The following CCDC66 variants were observed in gnomAD, a reference collection of about 807,000 sequenced individuals.
CCDC66 encodes coiled-coil domain containing 66.
A neutral mutation model predicts 128.3 loss-of-function variants in CCDC66; 133 were observed. The observed-to-expected ratio is 1.04, with a 90% CI of 0.90 to 1.20. The LOEUF (loss-of-function observed/expected upper bound fraction) is 1.20, where lower values mean the gene tolerates loss of function less well. Ranked by LOEUF, CCDC66 falls within the 50% of genes most tolerant of loss-of-function variation. The probability of loss-of-function intolerance (pLI) is 0.00; values close to 1 mark genes in which losing one functional copy is unlikely to be tolerated. For missense variants in CCDC66, 1,126 were observed against 1,075.5 expected, an observed-to-expected ratio of 1.05 and a Z score of -0.66; for synonymous variants, 387 against 357.0, an observed-to-expected ratio of 1.08 and a Z score of -0.95.
chr3:56,585,709 G>A lies in CCDC66; in HGVS notation c.937-7261G>A, dbSNP rs566325889. Among the ~76,000 whole-genome samples, 104 of 151,686 alleles carry A rather than the reference G, an allele frequency of 6.9e-4. 3 individuals are homozygous for A. The South Asian group carries it at 0.022, about 32-fold the overall frequency. On this transcript the variant is annotated intron_variant, in intron 7 of 17. Coordinates refer to ENST00000394672, the MANE Select transcript of CCDC66 (RefSeq NM_001141947.3). ...TATATAGTATAGCAATATTTATAAG[G>A]GTTTAATAAATAGAGCTAAAATATT...
At chr3:56,561,269 T>C (rs555547155) in intron 3 of CCDC66, 3 of 456,614 alleles carry the variant, frequency 6.6e-6, no homozygotes, top group Admixed American at 2.3e-5. Context: ...TGATTTGTTA[T>C]AGAAGCCACA....
chr3:56,614,526 G>A (rs1173403055), intron 11 of CCDC66, among the ~76,000 whole-genome samples: 1 of 152,154 alleles, frequency 6.6e-6, no homozygotes, highest in Admixed American at 6.5e-5. Context: ...ATACCTAGTT[G>A]GCTAGGAGAA....
intron 10 of CCDC66, among the ~76,000 whole-genome samples, chr3:56,602,816 G>T (rs868162772): frequency 6.8e-6 from 1 of 147,246 alleles, no homozygotes; most frequent in Admixed American, 7.1e-5. Context: ...TGGGAACAGC[G>T]GTGATATCCC....
intron 10 of CCDC66, among the ~76,000 whole-genome samples, chr3:56,598,594 T>C (rs1027195530): frequency 4.6e-5 from 7 of 151,972 alleles, no homozygotes; most frequent in African/African-American, 1.5e-4. Flanking sequence ...ATACCTTCTG[T>C]GCCTAGTTTG....
At position 56,615,537 on chromosome 3, in the gene CCDC66, C is replaced by A. The variant is rs2075382361; in HGVS notation, c.1711+265C>A. Reference sequence around the variant, plus strand: ...TACAGGTGTGAGTCACTGCACCCAGCCTAAATGATTGCCTATTTTTAATAC... The same window carrying A: ...TACAGGTGTGAGTCACTGCACCCAGACTAAATGATTGCCTATTTTTAATAC... On this transcript the variant is annotated intron_variant, in intron 12 of 17. Transcript: ENST00000394672. The A allele has an allele frequency of 1.3e-5, 5 of 370,454 alleles. No individual in the cohort carries two copies. The South Asian group carries it at 2.4e-4, about 18-fold the overall frequency. The allele number at this position is 370,454 out of a possible 1,614,324, so 22.9% of individuals were successfully genotyped here.
At chr3:56,567,703 T>C (rs920461208) in intron 6 of CCDC66, among the ~76,000 whole-genome samples, 20 of 152,132 alleles carry the variant, frequency 1.3e-4, no homozygotes, top group African/African-American at 4.1e-4. Context: ...TGTTTTGTTT[T>C]GTTTTTTGAG....
chr3:56,594,468 G>A (rs903121917), intron 10 of CCDC66, among the ~76,000 whole-genome samples: 1 of 152,090 alleles, frequency 6.6e-6, no homozygotes, highest in Admixed American at 6.5e-5. Flanking sequence ...GGCAGATCAC[G>A]AGGTCAGGAG....
In CCDC66 at chr3:56,566,601, T is replaced by C; in HGVS notation, c.552T>C (p.Tyr184=). The part of the protein sequence containing the change: ...TENGKEAKSQ[Y]SLYLNSISNQ... ...ATGTATTTTACCTCCTAGGTCAATA[T>C]AGTCTATATTTAAACAGTATTTCTA... Residue 184 remains tyrosine, a synonymous_variant, in exon 5 of 18, where the codon TAT becomes TAC. Transcript: ENST00000394672. 6.4e-7 allele frequency: 1 copy of C among 1,561,506 alleles called. No individual in the cohort carries two copies. The highest frequency in any genetic ancestry group is 8.8e-7 in the Non-Finnish European group (1 of 1,135,128).
intron 10 of CCDC66, 146 bp from the exon 11 acceptor site, chr3:56,613,443 C>T: frequency 1.3e-6 from 1 of 799,060 alleles, no homozygotes; most frequent in Non-Finnish European, 1.9e-6. Context: ...TCTGTTAGAT[C>T]TACGTGAAGT....
chr3:56,565,090 G>A (rs1455540647), intron 4 of CCDC66: 1 of 350,162 alleles, frequency 2.9e-6, no homozygotes, highest in Non-Finnish European at 5.8e-6. Flanking sequence ...CATTTTTTGA[G>A]CCATCCTGTG....
chr3:56,602,517 A>T (rs541141559), intron 10 of CCDC66, among the ~76,000 whole-genome samples: 4 of 151,984 alleles, frequency 2.6e-5, no homozygotes, highest in African/African-American at 9.7e-5. Context: ...GATTCCCTCT[A>T]TTTCTATTGA....
At chr3:56,584,066 GCCCCCCACC>G in intron 7 of CCDC66, among the ~76,000 whole-genome samples, 1 of 136,432 alleles carries the variant, frequency 7.3e-6, no homozygotes, top group Non-Finnish European at 1.6e-5. Flanking sequence ...GGCGGGGGCT[GCCCCCCACC>G]TCCCTCCCGG....
chr3:56,614,358 A>C (rs2075237556), intron 11 of CCDC66, among the ~76,000 whole-genome samples: 1 of 152,218 alleles, frequency 6.6e-6, no homozygotes, highest in Non-Finnish European at 1.5e-5. Flanking sequence ...CTAAGCAATA[A>C]TTATTATATC....
chr3:56,615,255 T>C lies in CCDC66; in HGVS notation c.1694T>C (p.Leu565Pro), dbSNP rs1233593248. Reference sequence around the variant, plus strand: ...CAAAAGGGACATGACACTTCTAGACTGATTAAAAATCTTGGTGGTAAGGGC... The same window carrying C: ...CAAAAGGGACATGACACTTCTAGACCGATTAAAAATCTTGGTGGTAAGGGC... ...LAQKGHDTSR[L>P]IKNLGVDTIQ... Residue 565 changes from leucine to proline, a missense_variant, in exon 12 of 18, where the codon CTG (leucine) becomes CCG (proline). Coordinates refer to ENST00000394672, the MANE Select transcript of CCDC66 (RefSeq NM_001141947.3). The C allele has an allele frequency of 6.2e-7, 1 of 1,607,750 alleles. No homozygotes were observed. Among genetic ancestry groups the C allele is most frequent in the South Asian group, 1.1e-5 (1 of 89,308 alleles).
At chr3:56,560,258 G>A (rs993738175) in intron 3 of CCDC66, among the ~76,000 whole-genome samples, 12 of 152,164 alleles carry the variant, frequency 7.9e-5, no homozygotes, top group African/African-American at 2.9e-4. Flanking sequence ...TTGAGGCAGA[G>A]TCTCACTCTT....
chr3:56,604,563 C>T (rs1418629056), intron 10 of CCDC66, among the ~76,000 whole-genome samples: 8 of 151,690 alleles, frequency 5.3e-5, no homozygotes, highest in African/African-American at 1.5e-4. Context: ...TATGAAATTC[C>T]GGGTTGAAAA....
At chr3:56,568,157 C>T (rs2066140857) in intron 6 of CCDC66, among the ~76,000 whole-genome samples, 1 of 152,212 alleles carries the variant, frequency 6.6e-6, no homozygotes. Context: ...TGCAGATTTT[C>T]TCTACAGATG....
chr3:56,567,847 G>A (rs1181636394), intron 6 of CCDC66, among the ~76,000 whole-genome samples: 3 of 151,968 alleles, frequency 2.0e-5, no homozygotes, highest in South Asian at 2.1e-4. Flanking sequence ...CCACTACCAC[G>A]CCCGGCTAAT....
At chr3:56,584,614 G>C (rs142512360) in intron 7 of CCDC66, among the ~76,000 whole-genome samples, 3 of 149,016 alleles carry the variant, frequency 2.0e-5, no homozygotes, top group African/African-American at 7.4e-5. Flanking sequence ...CAGACTGGGC[G>C]GCCGGGCAGA....
Sources: gnomAD v4.1 joint callset for allele counts (sites outside exome capture counted in the v4.1 genomes callset) on GRCh38, gnomAD v4.1.1 for gene constraint, MANE v1.5 for transcripts, NCBI Gene and HGNC (gene_info 2026-07-23, HGNC 2026-07-21) for gene names.